CALD1: variants seen among roughly 807,000 people sequenced by gnomAD.
CALD1 encodes caldesmon.
In CALD1, 33 loss-of-function variants were observed where a neutral mutation model predicts 99.9. The ratio of observed to expected loss-of-function variants is 0.33; its 90% CI spans 0.25 to 0.44. The LOEUF is 0.44. CALD1 is among the 20% of genes least tolerant of loss of function. CALD1 has a pLI of 1.00. For missense variants in CALD1, 861 were observed against 962.1 expected (o/e 0.89, Z 1.39); for synonymous variants, 310 against 325.0 (o/e 0.95, Z 0.50).
intron 3 of CALD1, among the ~76,000 whole-genome samples, chr7:134,868,772 A>G (rs775696190): frequency 3.9e-5 from 6 of 152,210 alleles, no homozygotes; most frequent in Non-Finnish European, 8.8e-5. Context: ...CTGACTAAAC[A>G]TGTCCACAAG....
At chr7:134,891,631 G>C (rs1479024858) in intron 3 of CALD1, 1 of 1,610,012 alleles carries the variant, frequency 6.2e-7, no homozygotes, top group Non-Finnish European at 8.5e-7. Context: ...ATGCTGGGTG[G>C]ATCCGGATCG....
At chr7:134,944,595 C>T (rs1285305493) in intron 7 of CALD1, 1 of 151,956 alleles carries the variant, frequency 6.6e-6, no homozygotes, top group Non-Finnish European at 1.5e-5. Flanking sequence ...TTGTTTTATT[C>T]TTCCTCTTGT....
At chr7:134,775,238 T>G (rs1292783927), upstream of CALD1, among the ~76,000 whole-genome samples, 1 of 152,182 alleles carries the variant, frequency 6.6e-6, no homozygotes, top group Non-Finnish European at 1.5e-5. Flanking sequence ...GGGGTCTATT[T>G]CTAGGCTTTC....
At chr7:134,757,772 G>A (rs911917416) in intron 1 of CALD1, among the ~76,000 whole-genome samples, 9 of 151,898 alleles carry the variant, frequency 5.9e-5, no homozygotes, top group Non-Finnish European at 1.0e-4. Flanking sequence ...CCAGCTACTC[G>A]GGAGGCTGAG....
At chr7:134,918,918 T>C (rs897161308) in intron 3 of CALD1, among the ~76,000 whole-genome samples, 3 of 152,124 alleles carry the variant, frequency 2.0e-5, no homozygotes, top group Admixed American at 6.5e-5. Flanking sequence ...ATCACATGAA[T>C]GAACCCAGGA....
intron 1 of CALD1, among the ~76,000 whole-genome samples, chr7:134,771,757 G>C (rs1011289942): frequency 6.6e-6 from 1 of 152,116 alleles, no homozygotes. Context: ...GTCCCCCTGG[G>C]CTCGTTGCTA....
chr7:134,921,013 A>C (rs1181182936), intron 3 of CALD1, among the ~76,000 whole-genome samples: 3 of 152,374 alleles, frequency 2.0e-5, no homozygotes, highest in Admixed American at 6.5e-5. Flanking sequence ...TGTGCTTATC[A>C]AGCACAGGGA....
chr7:134,841,643 T>C lies in CALD1; in HGVS notation c.-129-2241T>C, dbSNP rs571852588. ...AACCTCCATCCCTCTGGGCACTGGA[T>C]ACAAAGGTGATCATGTGCTTCTTTG... On this transcript the variant is annotated intron_variant, in intron 1 of 14. Coordinates refer to ENST00000361675, the MANE Select transcript of CALD1 (RefSeq NM_033138.4). 2.0e-5 allele frequency among the ~76,000 whole-genome samples: 3 copies of C among 152,350 alleles called. No homozygotes were observed. In the South Asian group the frequency reaches 6.2e-4, roughly 32 times the overall value.
intron 3 of CALD1, among the ~76,000 whole-genome samples, chr7:134,897,195 C>T (rs75120043): frequency 1.3e-5 from 2 of 152,222 alleles, no homozygotes; most frequent in African/African-American, 4.8e-5. Flanking sequence ...GCTGTACTGA[C>T]TGAGCATTAA....
chr7:134,762,646 C>CTTA (rs957818335), intron 1 of CALD1, among the ~76,000 whole-genome samples: 4 of 152,134 alleles, frequency 2.6e-5, no homozygotes, highest in Admixed American at 6.5e-5. Flanking sequence ...GCAACCCCAT[C>CTTA]TTACATGGCT....
At chr7:134,829,350 G>C (rs181090504) in intron 1 of CALD1, among the ~76,000 whole-genome samples, 8 of 152,230 alleles carry the variant, frequency 5.3e-5, no homozygotes, top group Admixed American at 6.5e-5. Context: ...GATAGGATAC[G>C]TGAAAACGTT....
intron 3 of CALD1, among the ~76,000 whole-genome samples, chr7:134,890,167 A>C (rs1802081744): frequency 6.6e-6 from 1 of 152,162 alleles, no homozygotes; most frequent in Non-Finnish European, 1.5e-5. Flanking sequence ...AGCCTCCCCG[A>C]GTGCTGGGAT....
chr7:134,863,700 G>T (rs1466420817), intron 2 of CALD1, among the ~76,000 whole-genome samples: 2 of 152,114 alleles, frequency 1.3e-5, no homozygotes, highest in Non-Finnish European at 2.9e-5. Flanking sequence ...CAGCAAAAAA[G>T]AATATAAAAC....
At chr7:134,811,069 C>A (rs1044822916) in intron 1 of CALD1, among the ~76,000 whole-genome samples, 1 of 152,134 alleles carries the variant, frequency 6.6e-6, no homozygotes, top group Non-Finnish European at 1.5e-5. Context: ...ACAGCACAAA[C>A]CTCCGTGTAT....
intron 3 of CALD1, among the ~76,000 whole-genome samples, chr7:134,925,945 G>C (rs749303074): frequency 2.6e-5 from 4 of 152,172 alleles, no homozygotes; most frequent in Non-Finnish European, 5.9e-5. Flanking sequence ...ATTAAGGATT[G>C]ATTCTCCCTG....
chr7:134,964,754 T>C (rs944327067), intron 13 of CALD1, among the ~76,000 whole-genome samples: 4 of 152,298 alleles, frequency 2.6e-5, no homozygotes, highest in African/African-American at 4.8e-5. Context: ...CCATGATCTA[T>C]TGACTTGTAA....
intron 1 of CALD1, among the ~76,000 whole-genome samples, chr7:134,758,849 G>T (rs1796752576): frequency 6.6e-6 from 1 of 152,066 alleles, no homozygotes; most frequent in Non-Finnish European, 1.5e-5. Context: ...AGAGGATCTA[G>T]GCAGACACCT....
intron 1 of CALD1, among the ~76,000 whole-genome samples, chr7:134,791,118 G>A (rs1005593081): frequency 1.3e-5 from 2 of 149,672 alleles, no homozygotes; most frequent in East Asian, 2.0e-4. Context: ...TTACATTTAA[G>A]TTTGACCTTC....
In CALD1 at chr7:134,807,928, G is replaced by A. The variant is rs143466674; in HGVS notation, c.-130+28179G>A. Reference sequence around the variant, plus strand: ...CAAGCGTAAGCCACCGTGCCCGGCCGATTATCTCCAATTTTTAGATGTAGG... The same window carrying A: ...CAAGCGTAAGCCACCGTGCCCGGCCAATTATCTCCAATTTTTAGATGTAGG... On this transcript the variant is annotated intron_variant, in intron 1 of 14. Transcript: ENST00000361675. Among the ~76,000 whole-genome samples, 11 of 152,030 alleles carry A rather than the reference G, an allele frequency of 7.2e-5. No individual in the cohort carries two copies. In the East Asian group the frequency reaches 7.8e-4, roughly 11 times the overall value.
Sources: gnomAD v4.1 joint callset for allele counts (sites outside exome capture counted in the v4.1 genomes callset) on GRCh38, gnomAD v4.1.1 for gene constraint, MANE v1.5 for transcripts, NCBI Gene and HGNC (gene_info 2026-07-23, HGNC 2026-07-21) for gene names.